ZNF680: variants seen among roughly 807,000 people sequenced by gnomAD.
ZNF680 encodes the protein zinc finger protein 680.
ZNF680 carries 6 observed loss-of-function variants against 12.1 expected under a neutral mutation model. The observed-to-expected ratio is 0.49, with a 90% CI of 0.27 to 0.98. ZNF680 has a LOEUF of 0.98. ZNF680 is among the 50% of genes least tolerant of loss of function. ZNF680 has a pLI of 0.12. For synonymous variants in ZNF680, 170 were observed against 199.3 expected, an observed-to-expected ratio of 0.85 and a Z score of 1.24; for missense variants, 561 against 616.3, an observed-to-expected ratio of 0.91 and a Z score of 0.95.
the ZNF680 span, among the ~76,000 whole-genome samples, chr7:64,512,505 CTTT>C: frequency 6.7e-6 from 1 of 149,378 alleles, no homozygotes; most frequent in African/African-American, 2.5e-5. Context: ...AACTAAATGA[CTTT>C]TCTCCACTGT....
chr7:64,515,343 C>A (rs111243249), downstream of ZNF680, among the ~76,000 whole-genome samples: 137 of 152,072 alleles, frequency 9.0e-4, 1 homozygote, highest in Non-Finnish European at 1.4e-3. Flanking sequence ...AGCACCCCCC[C>A]CTAAAAAATC....
downstream of ZNF680, among the ~76,000 whole-genome samples, chr7:64,518,162 A>T (rs1297441574): frequency 1.3e-5 from 2 of 152,060 alleles, no homozygotes; most frequent in Non-Finnish European, 2.9e-5. Context: ...ATATGATTGT[A>T]TACCTAAAGA....
intron 1 of ZNF680, among the ~76,000 whole-genome samples, chr7:64,554,851 G>C (rs144239112): frequency 6.6e-6 from 1 of 152,054 alleles, no homozygotes; most frequent in South Asian, 2.1e-4. Flanking sequence ...CAAACACTGC[G>C]GAAGGCAGCG....
At chr7:64,548,341 T>C (rs1047159698) in intron 1 of ZNF680, among the ~76,000 whole-genome samples, 1 of 152,240 alleles carries the variant, frequency 6.6e-6, no homozygotes, top group African/African-American at 2.4e-5. Flanking sequence ...GTCACAACAA[T>C]GTAAAGAAAG....
the ZNF680 span, among the ~76,000 whole-genome samples, chr7:64,511,033 A>G: frequency 6.6e-6 from 1 of 151,688 alleles, no homozygotes; most frequent in Non-Finnish European, 1.5e-5. Flanking sequence ...GCACTTTGGG[A>G]GGCCAAGGCG....
At chr7:64,558,977 A>G (rs965924338) in intron 1 of ZNF680, among the ~76,000 whole-genome samples, 1 of 151,978 alleles carries the variant, frequency 6.6e-6, no homozygotes, top group Non-Finnish European at 1.5e-5. Context: ...AACAAGAGGG[A>G]GTGTAGGTGA....
At chr7:64,510,530 T>C in the ZNF680 span, among the ~76,000 whole-genome samples, 2 of 152,092 alleles carry the variant, frequency 1.3e-5, no homozygotes, top group African/African-American at 2.4e-5. Context: ...CTTTGCAGTA[T>C]GTAAATAACA....
At chr7:64,539,129 T>A (rs1477952358) in intron 3 of ZNF680, among the ~76,000 whole-genome samples, 31 of 34,994 alleles carry the variant, frequency 8.9e-4, no homozygotes, top group Admixed American at 2.3e-3. Flanking sequence ...AGACTCCATC[T>A]CAAAAAAAAA....
At chr7:64,519,870 C>T (rs1351453487), downstream of ZNF680, 1 of 151,446 alleles carries the variant, frequency 6.6e-6, no homozygotes, top group African/African-American at 2.4e-5. Context: ...ATTGAATGCA[C>T]AATAGTCTTA....
intron 1 of ZNF680, among the ~76,000 whole-genome samples, chr7:64,550,937 G>A (rs1437059415): frequency 6.6e-6 from 1 of 152,102 alleles, no homozygotes; most frequent in Non-Finnish European, 1.5e-5. Flanking sequence ...ATTTTCTCCA[G>A]CCCTAGAGCA....
At chr7:64,524,383 G>A (rs547807369) in intron 3 of ZNF680, among the ~76,000 whole-genome samples, 2 of 151,970 alleles carry the variant, frequency 1.3e-5, no homozygotes, top group Non-Finnish European at 2.9e-5. Context: ...ACCCACCTCA[G>A]CCTCCCTAAG....
intron 3 of ZNF680, among the ~76,000 whole-genome samples, chr7:64,523,047 G>C (rs1791628872): frequency 6.6e-6 from 1 of 151,862 alleles, no homozygotes. Flanking sequence ...AAAATAACAT[G>C]ACAGAAAACA....
chr7:64,512,338 A>G, the ZNF680 span, among the ~76,000 whole-genome samples: 1 of 151,400 alleles, frequency 6.6e-6, no homozygotes, highest in Non-Finnish European at 1.5e-5. Context: ...CTGTAGTCCC[A>G]GCTACTCAGG....
intron 1 of ZNF680, among the ~76,000 whole-genome samples, chr7:64,546,625 C>A (rs1486957509): frequency 6.6e-6 from 1 of 152,114 alleles, no homozygotes; most frequent in Non-Finnish European, 1.5e-5. Context: ...AGCCTGTAAT[C>A]CCAGCTATTC....
At chr7:64,500,072 G>C in the ZNF680 span, among the ~76,000 whole-genome samples, 8 of 152,150 alleles carry the variant, frequency 5.3e-5, no homozygotes, top group Non-Finnish European at 1.2e-4. Flanking sequence ...GTCTGTAAAA[G>C]AGTGTGGCTC....
the ZNF680 span, among the ~76,000 whole-genome samples, chr7:64,508,151 T>TC: frequency 1.0e-5 from 1 of 99,058 alleles, no homozygotes; most frequent in East Asian, 5.2e-4. Context: ...ATACATAATT[T>TC]TTTTTTTTTT....
Position 64,520,249 on chromosome 7 carries a change from T to C in ZNF680, c.*912A>G, listed in dbSNP as rs1791457725. ...CAACAATTTATCACATGCTTTCACATGTGAATACAATAGGAATGAAATAAA... is the reference window on the plus strand; with the variant it reads ...CAACAATTTATCACATGCTTTCACACGTGAATACAATAGGAATGAAATAAA... On this transcript the variant is annotated 3_prime_UTR_variant, in exon 4 of 4. Transcript: ENST00000309683. 1 of 151,802 alleles carries C rather than the reference T, an allele frequency of 6.6e-6. No homozygotes were observed. Among genetic ancestry groups the C allele is most frequent in the Non-Finnish European group, 1.5e-5 (1 of 67,714 alleles). 9.4% of individuals were successfully genotyped at this position (151,802 alleles called of 1,614,324 possible). A position where few individuals can be genotyped will look rare whatever the true frequency, so the allele number is the denominator to read the frequency against.
the ZNF680 span, among the ~76,000 whole-genome samples, chr7:64,502,576 A>G: frequency 3.9e-5 from 6 of 152,336 alleles, no homozygotes; most frequent in African/African-American, 1.4e-4. Flanking sequence ...AAATAGTGTT[A>G]TAGTGTTACG....
intron 1 of ZNF680, among the ~76,000 whole-genome samples, chr7:64,562,042 G>C (rs1446210755): frequency 6.6e-6 from 1 of 150,532 alleles, no homozygotes; most frequent in Non-Finnish European, 1.5e-5. Flanking sequence ...AGACCAGCCT[G>C]TCCAACATGG....
Sources: allele counts gnomAD v4.1 joint callset (sites outside exome capture counted in the v4.1 genomes callset), GRCh38; gene constraint gnomAD v4.1.1; transcripts MANE v1.5; gene names NCBI Gene and HGNC (gene_info 2026-07-23, HGNC 2026-07-21).